The following BRWD1 variants were observed in gnomAD, a reference collection of about 807,000 sequenced individuals.
The protein encoded by BRWD1 is bromodomain and WD repeat-containing protein 1.
Under a neutral mutation model 251.2 loss-of-function variants are expected in BRWD1, and 82 were observed. That is an observed-to-expected ratio of 0.33 (90% CI 0.27 to 0.39). The LOEUF is 0.39. Among genes scored for constraint, BRWD1 ranks in the 10% least tolerant of loss-of-function variants. The pLI, the probability that BRWD1 is intolerant of heterozygous loss-of-function variation, is 1.00. For missense variants in BRWD1, 2,233 were observed against 2,711.6 expected, an observed-to-expected ratio of 0.82 and a Z score of 3.92; for synonymous variants, 918 against 902.8, an observed-to-expected ratio of 1.02 and a Z score of -0.30.
chr21:39,320,410 C>T (rs1197568829), intron 1 of BRWD1, among the ~76,000 whole-genome samples: 1 of 152,160 alleles, frequency 6.6e-6, no homozygotes, highest in Non-Finnish European at 1.5e-5. Context: ...TCACGTCTCA[C>T]TGCAGCCTCG....
rs572948929 is a variant in BRWD1, at chr21:39,190,561, GA to G, written c.*5697del. The G allele has an allele frequency of 3.0e-4, 296 of 985,322 alleles. 2 individuals carry two copies. In the African/African-American group the frequency reaches 4.7e-3, roughly 16 times the overall value. The allele number at this position is 985,322 out of a possible 1,614,324, so 61.0% of individuals were successfully genotyped here. A position where few individuals can be genotyped will look rare whatever the true frequency, so the allele number is the denominator to read the frequency against. ...GCTCCCTCAAGCAAGCCTTTTATCA[GA>G]AAAGACTTGAGATATTCTCTCCTCT... On this transcript the variant is annotated 3_prime_UTR_variant, in exon 41 of 41. Transcript: ENST00000342449.
chr21:39,217,010 AATATAT>A (rs67133519), intron 31 of BRWD1: 1 of 78,134 alleles, frequency 1.3e-5, no homozygotes, highest in East Asian at 5.7e-4. Flanking sequence ...AGCTCCCACA[AATATAT>A]ATATATATAT....
At chr21:39,294,654 C>CAAAAAAA (rs35545105) in intron 7 of BRWD1, among the ~76,000 whole-genome samples, 2 of 98,852 alleles carry the variant, frequency 2.0e-5, no homozygotes, top group African/African-American at 9.1e-5. Context: ...GACTCCGTCT[C>CAAAAAAA]AAAAAAAAAA....
chr21:39,207,446 AAG>A, intron 36 of BRWD1, among the ~76,000 whole-genome samples: 1 of 136,682 alleles, frequency 7.3e-6, no homozygotes, highest in South Asian at 2.4e-4. Flanking sequence ...AAAGAAAAAA[AAG>A]AAAACACACA....
chr21:39,310,747 T>A (rs1403794120), intron 4 of BRWD1, among the ~76,000 whole-genome samples: 1 of 152,204 alleles, frequency 6.6e-6, no homozygotes, highest in African/African-American at 2.4e-5. Flanking sequence ...GCACAGTGGC[T>A]TGATCAGGGC....
intron 4 of BRWD1, among the ~76,000 whole-genome samples, chr21:39,312,288 G>A (rs1486577251): frequency 6.6e-6 from 1 of 152,246 alleles, no homozygotes; most frequent in African/African-American, 2.4e-5. Flanking sequence ...TTGTACAGTA[G>A]AAAGGAGCAC....
rs766699532 is a variant in BRWD1 at position 39,186,981 on chromosome 21, G to C, written c.*9278C>G. 2.0e-6 allele frequency: 3 copies of C among 1,517,020 alleles called. No homozygotes were observed. The highest frequency in any genetic ancestry group is 2.6e-6 in the Non-Finnish European group (3 of 1,138,760). The allele number at this position is 1,517,020 out of a possible 1,614,324, so 94.0% of individuals were successfully genotyped here. A position where few individuals can be genotyped will look rare whatever the true frequency, so the allele number is the denominator to read the frequency against. ...GCAGAATGTAACTGCCAGTTTACTT[G>C]TGTACCAATTGTTTTCAGATGCCAC... On this transcript the variant is annotated 3_prime_UTR_variant, in exon 41 of 41. Transcript: ENST00000342449.
upstream of BRWD1, chr21:39,317,115 T>A (rs2036706864): frequency 6.6e-6 from 1 of 152,250 alleles, no homozygotes; most frequent in Non-Finnish European, 1.5e-5. Flanking sequence ...GACTCAGATG[T>A]GACTCATATT....
chr21:39,254,138 T>C (rs2034486976), intron 19 of BRWD1, among the ~76,000 whole-genome samples: 2 of 152,116 alleles, frequency 1.3e-5, no homozygotes, highest in African/African-American at 4.8e-5. Context: ...TGGTGGCGCA[T>C]GCCTGTAGTC....
At chr21:39,258,281 G>C (rs1375921082) in intron 18 of BRWD1, among the ~76,000 whole-genome samples, 1 of 152,002 alleles carries the variant, frequency 6.6e-6, no homozygotes, top group African/African-American at 2.4e-5. Flanking sequence ...GAGTACAAAA[G>C]GCTTCAGCAG....
chr21:39,234,706 T>C (rs531098729), intron 23 of BRWD1, among the ~76,000 whole-genome samples: 1 of 152,278 alleles, frequency 6.6e-6, no homozygotes, highest in South Asian at 2.1e-4. Flanking sequence ...CCTCTTGTCT[T>C]ATATCCAGAA....
At chr21:39,266,172 T>G (rs1168575375) in intron 15 of BRWD1, among the ~76,000 whole-genome samples, 1 of 152,158 alleles carries the variant, frequency 6.6e-6, no homozygotes, top group Non-Finnish European at 1.5e-5. Context: ...TCACTATTGT[T>G]GCACATGAAA....
Position 39,284,977 on chromosome 21 carries a change from AT to A in BRWD1, c.832-4730del, listed in dbSNP as rs1300889782. Among the ~76,000 whole-genome samples the A allele has an allele frequency of 9.2e-5, 14 of 152,290 alleles. No homozygotes were observed. The South Asian group carries it at 2.7e-3, about 29-fold the overall frequency. ...TTGTTCCCTATGCTTTTGGGTGTAT[AT>A]CCAAAGGGAAATGAAATCAGTATAT... On this transcript the variant is annotated intron_variant, in intron 8 of 40. Coordinates refer to ENST00000342449, the MANE Select transcript of BRWD1 (RefSeq NM_033656.4).
chr21:39,273,242 C>T (rs528094631), intron 13 of BRWD1, among the ~76,000 whole-genome samples: 2 of 152,268 alleles, frequency 1.3e-5, no homozygotes, highest in South Asian at 4.1e-4. Flanking sequence ...ATCTTCACCC[C>T]CATTCCCTTT....
chr21:39,308,607 T>C (rs2036365346), intron 4 of BRWD1, among the ~76,000 whole-genome samples: 1 of 151,784 alleles, frequency 6.6e-6, no homozygotes, highest in Admixed American at 6.6e-5. Context: ...ACTAGAATCA[T>C]CTAAAAAGCT....
At chr21:39,224,546 A>G (rs2033306172) in intron 28 of BRWD1, 77 bp from the exon 29 acceptor site, 3 of 984,112 alleles carry the variant, frequency 3.0e-6, no homozygotes, top group Non-Finnish European at 4.6e-6. Context: ...TTATAAAAAT[A>G]CAAAATGTGA....
chr21:39,297,661 A>T (rs2035995522), intron 5 of BRWD1: 1 of 243,680 alleles, frequency 4.1e-6, no homozygotes, highest in African/African-American at 2.3e-5. Context: ...TCTGGCACGG[A>T]ACTAAGAGGG....
intron 36 of BRWD1, among the ~76,000 whole-genome samples, chr21:39,207,859 G>A (rs1410730332): frequency 6.6e-6 from 1 of 152,174 alleles, no homozygotes. Flanking sequence ...ACATGCATAA[G>A]CCTTTAAGGC....
chr21:39,213,031 C>T (rs897753373), intron 33 of BRWD1, among the ~76,000 whole-genome samples: 6 of 152,102 alleles, frequency 3.9e-5, no homozygotes, highest in African/African-American at 1.4e-4. Context: ...CAGAAACATA[C>T]AGATTCCTAT....
Sources: allele counts gnomAD v4.1 joint callset (sites outside exome capture counted in the v4.1 genomes callset), GRCh38; gene constraint gnomAD v4.1.1; transcripts MANE v1.5; gene names NCBI Gene and HGNC (gene_info 2026-07-23, HGNC 2026-07-21).